The following INSC variants were observed in gnomAD, a reference collection of about 807,000 sequenced individuals.
The protein encoded by INSC is protein inscuteable homolog.
INSC carries 67 observed loss-of-function variants against 58.6 expected under a neutral mutation model. The ratio of observed to expected loss-of-function variants is 1.14; its 90% confidence interval spans 0.94 to 1.40. INSC has a LOEUF of 1.40. INSC is among the 40% of genes most tolerant of loss of function. INSC has a pLI of 0.00. For missense variants in INSC, 714 were observed against 692.0 expected (o/e 1.03, Z -0.36); for synonymous variants, 262 against 276.1 (o/e 0.95, Z 0.51).
At chr11:15,258,472 T>C in the INSC span, among the ~76,000 whole-genome samples, 1 of 152,316 alleles carries the variant, frequency 6.6e-6, no homozygotes, top group South Asian at 2.1e-4. Flanking sequence ...GCTTTGGGGT[T>C]GAGATGTAAG....
At chr11:15,250,260 A>G (rs1852636368), downstream of INSC, among the ~76,000 whole-genome samples, 1 of 152,228 alleles carries the variant, frequency 6.6e-6, no homozygotes, top group African/African-American at 2.4e-5. Context: ...GACTTTGGAC[A>G]GGGCTTTGTA....
chr11:15,198,427 G>A (rs1469272599), intron 6 of INSC, among the ~76,000 whole-genome samples: 2 of 152,104 alleles, frequency 1.3e-5, no homozygotes, highest in Non-Finnish European at 2.9e-5. Flanking sequence ...GCAAATGCAT[G>A]CAGAGGCTTA....
At chr11:15,113,143 T>TTCTTTCTTTCTTTC, upstream of INSC, among the ~76,000 whole-genome samples, 12 of 98,690 alleles carry the variant, frequency 1.2e-4, no homozygotes, top group East Asian at 1.5e-3. Flanking sequence ...CTTTCTTTCT[T>TTCTTTCTTTCTTTC]TCTGTCTCTC....
At chr11:15,241,945 T>C (rs569573742) in intron 12 of INSC, among the ~76,000 whole-genome samples, 8 of 152,318 alleles carry the variant, frequency 5.3e-5, no homozygotes, top group African/African-American at 1.9e-4. Context: ...GTATTTGTAA[T>C]TTCTACTGGG....
chr11:15,133,191 T>A (rs746341339), intron 1 of INSC, among the ~76,000 whole-genome samples: 17 of 152,208 alleles, frequency 1.1e-4, no homozygotes, highest in Non-Finnish European at 8.8e-5. Context: ...TCTCTCGTAT[T>A]TTTTCTCTCT....
intron 2 of INSC, among the ~76,000 whole-genome samples, chr11:15,165,873 G>T (rs1401113178): frequency 6.6e-6 from 1 of 151,976 alleles, no homozygotes; most frequent in East Asian, 1.9e-4. Context: ...CTTTTGGGGG[G>T]TGGTGGGGGA....
intron 6 of INSC, among the ~76,000 whole-genome samples, chr11:15,198,142 T>C (rs1382252807): frequency 6.6e-6 from 1 of 152,164 alleles, no homozygotes; most frequent in African/African-American, 2.4e-5. Context: ...GACACTCTTA[T>C]AATCAGGAAG....
intron 5 of INSC, among the ~76,000 whole-genome samples, chr11:15,181,624 T>C (rs1439505583): frequency 1.3e-5 from 2 of 152,192 alleles, no homozygotes; most frequent in Non-Finnish European, 2.9e-5. Context: ...GTGATTGTAT[T>C]AACCCAAGAA....
intron 7 of INSC, among the ~76,000 whole-genome samples, chr11:15,206,049 C>T (rs1850784366): frequency 6.6e-6 from 1 of 152,184 alleles, no homozygotes; most frequent in Non-Finnish European, 1.5e-5. Flanking sequence ...CTGCAGCCTC[C>T]CTGCATCCTA....
rs11023443 is a variant in INSC, at chr11:15,121,424, A to T, written c.-46+6421A>T. 4.8e-3 allele frequency among the ~76,000 whole-genome samples: 736 copies of T among 152,334 alleles called. 24 individuals carry two copies. The East Asian group carries it at 0.098, about 20-fold the overall frequency. ...CATGATTAGATTCAAGCAATGCATT[A>T]GGGGCAGGAATACAACTGCAGTGAG... On this transcript the variant is annotated intron_variant, in intron 1 of 12. Coordinates refer to ENST00000379556, the MANE Select transcript of INSC (RefSeq NM_001042536.3).
In INSC at chr11:15,175,800, C is replaced by T. The variant is rs778432247; in HGVS notation, c.116C>T (p.Thr39Ile). The change falls in exon 3 of 13, where the codon ACC becomes ATC. Residue 39 changes from threonine (T) to isoleucine (I), a missense_variant. Coordinates refer to ENST00000379556, the MANE Select transcript of INSC (RefSeq NM_001042536.3). ...TGGATGGAAGATCTGAAGCTCATGA[C>T]CGAGTGCGAGTGCATGTGTGTCCTG... ...QRWMEDLKLM[T>I]ECECMCVLQA... The T allele has an allele frequency of 6.2e-7, 1 of 1,603,544 alleles. No homozygotes were observed. The highest frequency in any genetic ancestry group is 1.1e-5 in the South Asian group (1 of 90,350).
chr11:15,188,374 C>T (rs1850049044), intron 5 of INSC: 1 of 985,248 alleles, frequency 1.0e-6, no homozygotes, highest in Non-Finnish European at 1.2e-6. Flanking sequence ...GATTTCCTGA[C>T]CTTCAAAAAT....
At chr11:15,151,040 G>A (rs532590019) in intron 2 of INSC, among the ~76,000 whole-genome samples, 1 of 152,232 alleles carries the variant, frequency 6.6e-6, no homozygotes, top group East Asian at 1.9e-4. Context: ...AGAGCCTGAG[G>A]GTGCTTTGCA....
At chr11:15,192,998 A>G (rs1043714945) in intron 6 of INSC, among the ~76,000 whole-genome samples, 1 of 152,226 alleles carries the variant, frequency 6.6e-6, no homozygotes, top group African/African-American at 2.4e-5. Flanking sequence ...AACATTTTAT[A>G]CAAATGAAGA....
At chr11:15,180,212 C>T (rs748698785) in intron 5 of INSC, among the ~76,000 whole-genome samples, 5 of 152,056 alleles carry the variant, frequency 3.3e-5, no homozygotes, top group Non-Finnish European at 5.9e-5. Context: ...GAGGGGAGAT[C>T]GCGCCACTGC....
chr11:15,149,971 T>C (rs189613382), intron 2 of INSC, among the ~76,000 whole-genome samples: 2 of 152,330 alleles, frequency 1.3e-5, no homozygotes, highest in Admixed American at 6.5e-5. Context: ...GCAAATCAAT[T>C]GGGAGGAAGA....
At chr11:15,171,838 C>T (rs1187070731) in intron 2 of INSC, among the ~76,000 whole-genome samples, 2 of 152,154 alleles carry the variant, frequency 1.3e-5, no homozygotes, top group Non-Finnish European at 2.9e-5. Flanking sequence ...TACAATAATC[C>T]CTGTCTGTAT....
rs139698584 is a variant in INSC at position 15,198,765 on chromosome 11, A to G, written c.694-2059A>G. Among the ~76,000 whole-genome samples, 1,405 of 152,154 alleles carry G rather than the reference A, an allele frequency of 9.2e-3. 50 individuals carry two copies. Among genetic ancestry groups the G allele is most frequent in the Admixed American group, 0.065 (998 of 15,266 alleles). On this transcript the variant is annotated intron_variant, in intron 6 of 12. Transcript: ENST00000379556. ...TAGGACTTCTATTTCTTTTCTTCTC[A>G]TTCTAAAGAGTAACTTGGTTTTCCT...
intron 2 of INSC, among the ~76,000 whole-genome samples, chr11:15,161,887 G>C (rs578242855): frequency 1.3e-5 from 2 of 152,180 alleles, no homozygotes; most frequent in Non-Finnish European, 2.9e-5. Context: ...GGCTTCACAA[G>C]AGCCTTGGTG....
Sources: gnomAD v4.1 joint callset for allele counts (sites outside exome capture counted in the v4.1 genomes callset) on GRCh38, gnomAD v4.1.1 for gene constraint, MANE v1.5 for transcripts, NCBI Gene and HGNC (gene_info 2026-07-23, HGNC 2026-07-21) for gene names.